The following MACROD2 variants were observed in gnomAD, a reference collection of about 807,000 sequenced individuals.
MACROD2 encodes the protein mono-ADP ribosylhydrolase 2, also known as ADP-ribose glycohydrolase MACROD2.
MACROD2 carries 36 observed loss-of-function variants against 70.4 expected under a neutral mutation model. That is an observed-to-expected ratio of 0.51 (90% confidence interval 0.39 to 0.68). The LOEUF (loss-of-function observed/expected upper bound fraction) is 0.68, where lower values mean the gene tolerates loss of function less well. MACROD2 is among the 30% of genes least tolerant of loss of function. The pLI, the probability that MACROD2 is intolerant of heterozygous loss-of-function variation, is 0.00. For synonymous variants in MACROD2, 172 were observed against 178.8 expected (o/e 0.96, Z 0.30); for missense variants, 496 against 538.4 (o/e 0.92, Z 0.78).
chr20:15,877,989 G>A (rs376664321), intron 9 of MACROD2, among the ~76,000 whole-genome samples: 2 of 152,116 alleles, frequency 1.3e-5, no homozygotes, highest in East Asian at 1.9e-4. Context: ...AGAGGATGCC[G>A]TAATAGCTCA....
intron 3 of MACROD2, among the ~76,000 whole-genome samples, chr20:14,255,702 TAAATAAATAAATAAATAAATAAAA>T: frequency 1.2e-5 from 1 of 84,852 alleles, no homozygotes; most frequent in South Asian, 4.5e-4. Context: ...AATAAATAAA[TAAATAAATAAATAAATAAATAAAA>T]AAGAAAATGT....
intron 2 of MACROD2, among the ~76,000 whole-genome samples, chr20:14,044,597 C>G (rs1284286318): frequency 6.6e-6 from 1 of 152,110 alleles, no homozygotes; most frequent in East Asian, 1.9e-4. Context: ...CTGAGCTAGA[C>G]CCAAAAGTTC....
intron 5 of MACROD2, among the ~76,000 whole-genome samples, chr20:14,949,060 T>C (rs2074455560): frequency 2.0e-5 from 3 of 152,192 alleles, no homozygotes; most frequent in Admixed American, 2.0e-4. Context: ...TTGGAAAATA[T>C]GTACACTTTT....
At chr20:15,028,558 C>T (rs1416402821) in intron 5 of MACROD2, among the ~76,000 whole-genome samples, 1 of 152,070 alleles carries the variant, frequency 6.6e-6, no homozygotes, top group Admixed American at 6.6e-5. Context: ...GGGATCTGTC[C>T]CTCTAATATT....
At chr20:15,196,934 A>G (rs199307) in intron 5 of MACROD2, 266,605 of 983,848 alleles carry the variant, frequency 0.27, 39,700 homozygotes, top group African/African-American at 0.6. Flanking sequence ...TACATAAAAA[A>G]CCTTTAAAAA....
At chr20:14,698,684 C>T (rs2071154909) in intron 5 of MACROD2, among the ~76,000 whole-genome samples, 3 of 150,942 alleles carry the variant, frequency 2.0e-5, no homozygotes, top group Admixed American at 6.6e-5. Flanking sequence ...TCTCCATATT[C>T]TAGGAACATA....
chr20:14,991,428 A>C (rs1024706006), intron 5 of MACROD2, among the ~76,000 whole-genome samples: 1 of 152,194 alleles, frequency 6.6e-6, no homozygotes, highest in Non-Finnish European at 1.5e-5. Flanking sequence ...CAGCCTCTGC[A>C]CTGAATATCC....
At chr20:15,967,389 A>G (rs6080063) in intron 12 of MACROD2, among the ~76,000 whole-genome samples, 164 bp from the exon 13 acceptor site, 17,559 of 148,624 alleles carry the variant, frequency 0.12, 1,218 homozygotes, top group East Asian at 0.24. Context: ...GTATGGGGGG[A>G]AAAAAAGCGC....
At chr20:15,218,297 TTC>T (rs1555793716) in intron 5 of MACROD2, among the ~76,000 whole-genome samples, 1 of 152,220 alleles carries the variant, frequency 6.6e-6, no homozygotes, top group African/African-American at 2.4e-5. Context: ...ACACTTTGTT[TTC>T]TCTTTTCCCA....
At chr20:15,150,121 T>C (rs971674165) in intron 5 of MACROD2, among the ~76,000 whole-genome samples, 1 of 151,882 alleles carries the variant, frequency 6.6e-6, no homozygotes, top group Non-Finnish European at 1.5e-5. Flanking sequence ...TTTATGAGAA[T>C]TATGCCAAGA....
Position 14,876,709 on chromosome 20 carries a change from T to A in MACROD2, c.418+191750T>A, listed in dbSNP as rs181435424. Among the ~76,000 whole-genome samples, 164 of 152,310 alleles carry A rather than the reference T, an allele frequency of 1.1e-3. 1 individual carries two copies. The highest frequency in any genetic ancestry group is 1.3e-4 in the Non-Finnish European group (9 of 68,026). On this transcript the variant is annotated intron_variant, in intron 5 of 17. Coordinates refer to ENST00000684519, the MANE Select transcript of MACROD2 (RefSeq NM_001351661.2). ...GCTAGCCACTTATCCCAGCACCATT[T>A]ATTCGGTAGGGAATCCTTTCTCTTA...
chr20:14,575,507 T>C (rs980614645), intron 4 of MACROD2, among the ~76,000 whole-genome samples: 2 of 152,184 alleles, frequency 1.3e-5, no homozygotes, highest in Non-Finnish European at 2.9e-5. Flanking sequence ...CCTGAAATAG[T>C]GTCAGGAATG....
At chr20:15,079,736 T>C (rs2075688303) in intron 5 of MACROD2, among the ~76,000 whole-genome samples, 2 of 152,066 alleles carry the variant, frequency 1.3e-5, no homozygotes, top group South Asian at 2.1e-4. Flanking sequence ...TCTCCACCTA[T>C]TTCCAGGCAG....
chr20:15,253,719 C>A (rs1475030132), intron 6 of MACROD2, among the ~76,000 whole-genome samples: 2 of 152,168 alleles, frequency 1.3e-5, no homozygotes, highest in Non-Finnish European at 2.9e-5. Flanking sequence ...CTCTACACTT[C>A]CTTTATATGC....
At chr20:14,490,270 G>A (rs576110076) in intron 3 of MACROD2, among the ~76,000 whole-genome samples, 2 of 152,236 alleles carry the variant, frequency 1.3e-5, no homozygotes, top group East Asian at 3.9e-4. Flanking sequence ...CTTGTTTAGG[G>A]TATTGGAAAT....
chr20:15,026,511 A>G (rs1031166170), intron 5 of MACROD2, among the ~76,000 whole-genome samples: 1 of 150,546 alleles, frequency 6.6e-6, no homozygotes, highest in Non-Finnish European at 1.5e-5. Context: ...ATATATAAAT[A>G]TATTTTTTAT....
In MACROD2 at chr20:15,613,937, A is replaced by G. The variant is rs142841798; in HGVS notation, c.645+114090A>G. Among the ~76,000 whole-genome samples, 1,367 of 152,312 alleles carry G rather than the reference A, an allele frequency of 9.0e-3. 15 individuals are homozygous for G. The highest frequency in any genetic ancestry group is 0.031 in the Middle Eastern group (9 of 294). ...TCATGGCTCAATAGAGCCACTTACT[A>G]TTTTTGACTGCACCTTACACCTATG... is the stretch of plus-strand genomic sequence containing the variant. On this transcript the variant is annotated intron_variant, in intron 8 of 17. Transcript: ENST00000684519.
chr20:14,946,573 T>A (rs780268426), intron 5 of MACROD2, among the ~76,000 whole-genome samples: 6 of 152,162 alleles, frequency 3.9e-5, no homozygotes, highest in Non-Finnish European at 5.9e-5. Flanking sequence ...CATATAATTT[T>A]TGATGCAGGA....
intron 12 of MACROD2, among the ~76,000 whole-genome samples, chr20:15,957,883 G>T (rs986502353): frequency 6.6e-6 from 1 of 152,194 alleles, no homozygotes; most frequent in African/African-American, 2.4e-5. Context: ...GTGCCAAGAG[G>T]CAGGGGATGT....
Sources: allele counts gnomAD v4.1 joint callset (sites outside exome capture counted in the v4.1 genomes callset), GRCh38; gene constraint gnomAD v4.1.1; transcripts MANE v1.5; gene names NCBI Gene and HGNC (gene_info 2026-07-23, HGNC 2026-07-21).